RARB: variants seen among roughly 807,000 people sequenced by gnomAD.
The protein encoded by RARB is HBV-activated protein.
In RARB, 17 loss-of-function variants were observed where a neutral mutation model predicts 51.9. The observed-to-expected ratio is 0.33, with a 90% CI of 0.22 to 0.49. The LOEUF is 0.49. Among genes scored for constraint, RARB ranks in the 20% least tolerant of loss-of-function variants. RARB has a pLI of 0.99. For missense variants in RARB, 369 were observed against 550.8 expected (o/e 0.67, Z 3.30); for synonymous variants, 215 against 195.4 (o/e 1.10, Z -0.84).
At chr3:25,047,104 C>T (rs765847125) in intron 2 of RARB, among the ~76,000 whole-genome samples, 3 of 152,104 alleles carry the variant, frequency 2.0e-5, no homozygotes, top group Non-Finnish European at 4.4e-5. Flanking sequence ...AAATTCTCTT[C>T]CATTTGCAAA....
At chr3:24,981,351 T>A (rs961534884) in intron 2 of RARB, among the ~76,000 whole-genome samples, 4 of 152,152 alleles carry the variant, frequency 2.6e-5, no homozygotes, top group African/African-American at 9.7e-5. Flanking sequence ...CTGCTGCCTT[T>A]TGTTTAGTTA....
intron 2 of RARB, among the ~76,000 whole-genome samples, chr3:24,947,175 G>T (rs1695793902): frequency 6.6e-6 from 1 of 152,134 alleles, no homozygotes; most frequent in South Asian, 2.1e-4. Context: ...ATTATATAGA[G>T]TACATTCTCC....
Position 25,027,777 on chromosome 3 carries a change from T to C in RARB, c.-379-32348T>C, listed in dbSNP as rs1352987314. Among the ~76,000 whole-genome samples, 5 of 152,310 alleles carry C rather than the reference T, an allele frequency of 3.3e-5. No individual in the cohort carries two copies. In the East Asian group the frequency reaches 9.7e-4, roughly 29 times the overall value. ...GCTTAGAAGAAAGGTGTGTGAACTA[T>C]ATCAGAGACTCAGGCGGCCCCAGAG... On this transcript the variant is annotated intron_variant, in intron 2 of 11. Coordinates refer to the RARB transcript ENST00000383772.
chr3:25,123,494 TCA>T (rs1489955028), intron 3 of RARB, among the ~76,000 whole-genome samples: 1 of 152,204 alleles, frequency 6.6e-6, no homozygotes, highest in Non-Finnish European at 1.5e-5. Context: ...TGTATCTCTT[TCA>T]CACTGACAGT....
chr3:25,134,941 A>G (rs1443621854), intron 4 of RARB, among the ~76,000 whole-genome samples: 3 of 152,014 alleles, frequency 2.0e-5, no homozygotes, highest in Non-Finnish European at 4.4e-5. Context: ...CAAAGTTACT[A>G]ATATATGAAG....
intron 5 of RARB, among the ~76,000 whole-genome samples, chr3:25,340,925 CATT>C (rs1448206880): frequency 6.6e-6 from 1 of 152,128 alleles, no homozygotes; most frequent in Non-Finnish European, 1.5e-5. Flanking sequence ...GAATCATTCT[CATT>C]AATCATTTTA....
intron 2 of RARB, among the ~76,000 whole-genome samples, chr3:25,029,838 T>A (rs1697831441): frequency 6.6e-6 from 1 of 152,178 alleles, no homozygotes; most frequent in Non-Finnish European, 1.5e-5. Context: ...TGGGACAGAG[T>A]AGAAGTCAGA....
At chr3:25,016,697 T>A (rs1453922045) in intron 2 of RARB, among the ~76,000 whole-genome samples, 1 of 152,042 alleles carries the variant, frequency 6.6e-6, no homozygotes, top group African/African-American at 2.4e-5. Flanking sequence ...TGGCAGAAAT[T>A]CAATCATGGT....
chr3:25,497,174 C>G (rs572007666), intron 2 of RARB, among the ~76,000 whole-genome samples: 1 of 152,130 alleles, frequency 6.6e-6, no homozygotes, highest in African/African-American at 2.4e-5. Context: ...GGTGAGCCAC[C>G]GCGCCTGGCC....
chr3:25,086,312 T>A (rs1309482110), intron 3 of RARB, among the ~76,000 whole-genome samples: 1 of 152,174 alleles, frequency 6.6e-6, no homozygotes, highest in Admixed American at 6.5e-5. Flanking sequence ...GCAAAGTAAC[T>A]TCAGATGTTC....
At position 25,199,768 on chromosome 3, in the gene RARB, C is replaced by G. The variant is rs561954479; in HGVS notation, c.178+25193C>G. Reference sequence around the variant, plus strand: ...GCTTCATCCGTGTCCCTACAAAGGACATGAACTCATCCTTTTTTATGGCTG... The same window carrying G: ...GCTTCATCCGTGTCCCTACAAAGGAGATGAACTCATCCTTTTTTATGGCTG... On this transcript the variant is annotated intron_variant, in intron 5 of 11. Transcript: ENST00000383772. 9.8e-5 allele frequency among the ~76,000 whole-genome samples: 15 copies of G among 152,288 alleles called. No individual in the cohort carries two copies. In the East Asian group the frequency reaches 2.9e-3, roughly 29 times the overall value.
rs149148541 is a variant in RARB, at chr3:25,219,751, C to T, written c.178+45176C>T. ...ACAACTTCTAGGCTTCAGGAAGTCCCGTTAGATTTGTCAAAGAACCATACT... is the reference window on the plus strand; with the variant it reads ...ACAACTTCTAGGCTTCAGGAAGTCCTGTTAGATTTGTCAAAGAACCATACT... On this transcript the variant is annotated intron_variant, in intron 5 of 11. Coordinates refer to the RARB transcript ENST00000383772. Among the ~76,000 whole-genome samples the T allele has an allele frequency of 4.5e-4, 68 of 152,230 alleles. No individual in the cohort carries two copies. In the East Asian group the frequency reaches 8.3e-3, roughly 19 times the overall value.
chr3:25,445,666 C>CA (rs555090587), intron 1 of RARB, among the ~76,000 whole-genome samples: 20 of 149,942 alleles, frequency 1.3e-4, no homozygotes, highest in Non-Finnish European at 2.2e-4. Flanking sequence ...GACTCCTTCT[C>CA]AAAAAAAAAT....
chr3:25,193,397 A>G (rs1239456597), intron 5 of RARB, among the ~76,000 whole-genome samples: 2 of 152,096 alleles, frequency 1.3e-5, no homozygotes, highest in East Asian at 1.9e-4. Flanking sequence ...CACTGAAGTA[A>G]AAAGATAGGA....
At chr3:25,272,299 C>T (rs1462031675) in intron 5 of RARB, among the ~76,000 whole-genome samples, 1 of 152,196 alleles carries the variant, frequency 6.6e-6, no homozygotes, top group Admixed American at 6.5e-5. Context: ...CTGGTCAGGG[C>T]TGGTAGATAT....
chr3:24,957,313 C>T (rs768977848), intron 2 of RARB, among the ~76,000 whole-genome samples: 4 of 152,158 alleles, frequency 2.6e-5, no homozygotes, highest in Admixed American at 1.3e-4. Context: ...GTATTTTGTC[C>T]TTCCCTAGGA....
chr3:25,009,358 G>A (rs1309888352), intron 2 of RARB, among the ~76,000 whole-genome samples: 1 of 151,998 alleles, frequency 6.6e-6, no homozygotes, highest in African/African-American at 2.4e-5. Flanking sequence ...TTTTTACATT[G>A]AAAATATTCC....
At chr3:25,153,697 A>G (rs899406163) in intron 4 of RARB, among the ~76,000 whole-genome samples, 2 of 152,242 alleles carry the variant, frequency 1.3e-5, no homozygotes, top group Admixed American at 6.5e-5. Context: ...AACAATGCAT[A>G]TTATGTACTC....
chr3:25,188,701 T>C (rs1290737535), intron 5 of RARB, among the ~76,000 whole-genome samples: 1 of 152,166 alleles, frequency 6.6e-6, no homozygotes, highest in African/African-American at 2.4e-5. Context: ...TCTATAATAA[T>C]TATAACTACC....
Sources: gnomAD v4.1 joint callset for allele counts (sites outside exome capture counted in the v4.1 genomes callset) on GRCh38, gnomAD v4.1.1 for gene constraint, MANE v1.5 for transcripts, NCBI Gene and HGNC (gene_info 2026-07-23, HGNC 2026-07-21) for gene names.